TBC1D22A: variants seen among roughly 807,000 people sequenced by gnomAD.
TBC1D22A encodes putative GTPase activator.
TBC1D22A carries 38 observed loss-of-function variants against 60.2 expected under a neutral mutation model. That is an observed-to-expected ratio of 0.63 (90% CI 0.49 to 0.83). TBC1D22A has a LOEUF of 0.83. Ranked by LOEUF, TBC1D22A falls within the 40% of genes least tolerant of loss-of-function variation. TBC1D22A has a pLI of 0.00. For missense variants in TBC1D22A, 628 were observed against 701.0 expected (o/e 0.90, Z 1.18); for synonymous variants, 302 against 281.7 (o/e 1.07, Z -0.72).
At chr22:46,903,807 C>T (rs1188033880) in intron 7 of TBC1D22A, among the ~76,000 whole-genome samples, 4 of 152,156 alleles carry the variant, frequency 2.6e-5, no homozygotes, top group African/African-American at 9.7e-5. Context: ...CTGAGACTGT[C>T]TAAGGCAGCA....
In TBC1D22A at chr22:46,797,506, A is replaced by T. The variant is rs367864102; in HGVS notation, c.523A>T (p.Thr175Ser). The T allele has an allele frequency of 1.9e-6, 3 of 1,613,912 alleles. No homozygotes were observed. Among genetic ancestry groups the T allele is most frequent in the Non-Finnish European group, 2.5e-6 (3 of 1,180,032 alleles). ...GTCTCTCCCACACTCGGCCACCGTCACGCTGGGTGGCACATCTGACCCCAG... is the reference window on the plus strand; with the variant it reads ...GTCTCTCCCACACTCGGCCACCGTCTCGCTGGGTGGCACATCTGACCCCAG... ...SQSLPHSATV[T>S]LGGTSDPSTL... The change falls in exon 4 of 13, where the codon ACG (threonine) becomes TCG (serine). Residue 175 changes from threonine to serine, a missense_variant. Physicochemically the swap from Thr to Ser is moderately conservative, Grantham distance 58 (BLOSUM62 1). Coordinates refer to ENST00000337137, the MANE Select transcript of TBC1D22A (RefSeq NM_014346.5).
intron 3 of TBC1D22A, among the ~76,000 whole-genome samples, 194 bp downstream of exon 3, chr22:46,794,035 CT>C (rs2084543938): frequency 2.0e-5 from 3 of 152,300 alleles, no homozygotes; most frequent in Non-Finnish European, 2.9e-5. Context: ...CCCCCAAGTG[CT>C]TTCTTCTGTC....
chr22:46,941,883 GTATAGAATATATGTA>G (rs1433421554), intron 8 of TBC1D22A, among the ~76,000 whole-genome samples: 120 of 145,722 alleles, frequency 8.2e-4, no homozygotes, highest in African/African-American at 3.0e-3. Context: ...TATAGAATAT[GTATAGAATATATGTA>G]TATAGAATAT....
At chr22:46,850,588 G>A (rs1490234272) in intron 4 of TBC1D22A, among the ~76,000 whole-genome samples, 1 of 152,194 alleles carries the variant, frequency 6.6e-6, no homozygotes, top group East Asian at 1.9e-4. Context: ...AGAATGTACG[G>A]TGACGCAGCT....
chr22:47,098,250 C>T (rs1334718504), intron 11 of TBC1D22A, among the ~76,000 whole-genome samples: 1 of 152,122 alleles, frequency 6.6e-6, no homozygotes, highest in Non-Finnish European at 1.5e-5. Context: ...GAGTATTTCT[C>T]CTTGACCTCC....
intron 10 of TBC1D22A, among the ~76,000 whole-genome samples, chr22:47,018,429 A>G (rs1421178266): frequency 6.6e-6 from 1 of 152,208 alleles, no homozygotes; most frequent in East Asian, 1.9e-4. Flanking sequence ...CAATCTGAGG[A>G]GACAGACATT....
rs1209558575 is a variant in TBC1D22A at position 47,009,496 on chromosome 22, CCAT to C, written c.1201+11793_1201+11795del. 2.3e-5 allele frequency among the ~76,000 whole-genome samples: 2 copies of C among 87,530 alleles called. No individual in the cohort carries two copies. The highest frequency in any genetic ancestry group is 1.2e-4 in the Admixed American group (1 of 8,180). 57.4% of individuals were successfully genotyped at this position (87,530 alleles called of 152,430 possible). A position where few individuals can be genotyped will look rare whatever the true frequency, so the allele number is the denominator to read the frequency against. ...CATCACTATCACCATCATTTCATCA[CCAT>C]CATCACCACCATCATCTTCACCATC... On this transcript the variant is annotated intron_variant, in intron 10 of 12. Transcript: ENST00000337137. The surrounding 1 kb of genome is among the most constrained non-coding windows in gnomAD (Gnocchi z 5.8).
chr22:47,096,821 CA>C (rs996063908), intron 11 of TBC1D22A, among the ~76,000 whole-genome samples: 1 of 151,674 alleles, frequency 6.6e-6, no homozygotes, highest in South Asian at 2.1e-4. Context: ...GACTCTGTCT[CA>C]AAAAAAATAA....
chr22:47,005,831 A>T (rs543113122), intron 10 of TBC1D22A, among the ~76,000 whole-genome samples: 3 of 150,980 alleles, frequency 2.0e-5, no homozygotes, highest in African/African-American at 7.3e-5. Context: ...CCCCCCATAC[A>T]CATACACAGC....
At chr22:46,789,866 C>T (rs1476124136) in intron 1 of TBC1D22A, among the ~76,000 whole-genome samples, 1 of 152,052 alleles carries the variant, frequency 6.6e-6, no homozygotes, top group Non-Finnish European at 1.5e-5. Context: ...TAGGAACGAG[C>T]CCTCTAGAAG....
At chr22:46,858,798 G>C (rs1397566803) in intron 4 of TBC1D22A, among the ~76,000 whole-genome samples, 1 of 152,200 alleles carries the variant, frequency 6.6e-6, no homozygotes, top group Non-Finnish European at 1.5e-5. Context: ...TTTCCTAAGA[G>C]GATTTGTTTT....
chr22:47,141,462 T>G (rs568970623), intron 12 of TBC1D22A, among the ~76,000 whole-genome samples: 82 of 152,348 alleles, frequency 5.4e-4, no homozygotes, highest in African/African-American at 1.9e-3. Context: ...GGACCAGCTC[T>G]CCCACAGAGG....
At chr22:46,894,351 G>C (rs1262673122) in intron 6 of TBC1D22A, among the ~76,000 whole-genome samples, 1 of 152,206 alleles carries the variant, frequency 6.6e-6, no homozygotes, top group Non-Finnish European at 1.5e-5. Flanking sequence ...GATTCCCCCA[G>C]GACTTCATAA....
At position 46,990,600 on chromosome 22, in the gene TBC1D22A, G is replaced by A. The variant is rs560535468; in HGVS notation, c.1126-7034G>A. Among the ~76,000 whole-genome samples the A allele has an allele frequency of 1.4e-4, 21 of 152,278 alleles. No homozygotes were observed. In the South Asian group the frequency reaches 4.4e-3, roughly 32 times the overall value. Reference sequence around the variant, plus strand: ...GCAGTGACATGAGTCCACCAAGAAAGTGTCGCACAGTGTCGTCCCCTGCCC... The same window carrying A: ...GCAGTGACATGAGTCCACCAAGAAAATGTCGCACAGTGTCGTCCCCTGCCC... On this transcript the variant is annotated intron_variant, in intron 9 of 12. Coordinates refer to ENST00000337137, the MANE Select transcript of TBC1D22A (RefSeq NM_014346.5). The surrounding 1 kb of genome is among the most constrained non-coding windows in gnomAD (Gnocchi z 4.6).
At chr22:46,917,107 G>A (rs538084982) in intron 8 of TBC1D22A, among the ~76,000 whole-genome samples, 31 of 152,320 alleles carry the variant, frequency 2.0e-4, no homozygotes, top group African/African-American at 7.5e-4. Context: ...AGTTAGCACA[G>A]CCATTGGAGA....
At chr22:46,979,380 T>A (rs927197644) in intron 9 of TBC1D22A, among the ~76,000 whole-genome samples, 6 of 152,224 alleles carry the variant, frequency 3.9e-5, no homozygotes, top group Admixed American at 2.0e-4. Context: ...TTTGAGAAAA[T>A]ATCTTCCAGA....
chr22:46,903,724 T>C (rs559009525), intron 7 of TBC1D22A, among the ~76,000 whole-genome samples: 36 of 152,330 alleles, frequency 2.4e-4, no homozygotes, highest in Admixed American at 1.7e-3. Context: ...GGGCCGCTGC[T>C]GTGAGACAGC....
intron 12 of TBC1D22A, among the ~76,000 whole-genome samples, chr22:47,139,906 G>C (rs2067015999): frequency 6.6e-6 from 1 of 152,254 alleles, no homozygotes; most frequent in South Asian, 2.1e-4. Context: ...TCCACATCAT[G>C]TGACTGCTCC....
chr22:46,996,650 G>A (rs1274112999), intron 9 of TBC1D22A, among the ~76,000 whole-genome samples: 2 of 152,198 alleles, frequency 1.3e-5, no homozygotes, highest in Non-Finnish European at 2.9e-5. Context: ...CACGAGTCTG[G>A]TTGAAACCCT....
Sources: gnomAD v4.1 joint callset for allele counts (sites outside exome capture counted in the v4.1 genomes callset) on GRCh38, gnomAD v4.1.1 for gene constraint, Gnocchi (gnomAD v3.1) non-coding constraint, MANE v1.5 for transcripts, NCBI Gene and HGNC (gene_info 2026-07-23, HGNC 2026-07-21) for gene names.